ANKS6: variants seen among roughly 807,000 people sequenced by gnomAD.
ANKS6 encodes ankyrin repeat and sterile alpha motif domain containing 6, also known as ankyrin repeat and SAM domain-containing protein 6.
In ANKS6, 47 loss-of-function variants were observed where a neutral mutation model predicts 77.9. That is an observed-to-expected ratio of 0.60 (90% CI 0.48 to 0.77). ANKS6 has a LOEUF of 0.77. ANKS6 is among the 30% of genes least tolerant of loss of function. ANKS6 has a pLI of 0.00. For synonymous variants in ANKS6, 488 were observed against 501.7 expected, an observed-to-expected ratio of 0.97 and a Z score of 0.37; for missense variants, 1,150 against 1,159.1, an observed-to-expected ratio of 0.99 and a Z score of 0.11.
Position 98,733,035 on chromosome 9 carries a change from C to T in ANKS6, c.*3484G>A. On this transcript the variant is annotated 3_prime_UTR_variant, in exon 15 of 15. Transcript: ENST00000353234. ...GCCATCATCGATGACTTTCCCTGAGCTGTATACCCAGCAGGCTTCATCACC... is the reference window on the plus strand; with the variant it reads ...GCCATCATCGATGACTTTCCCTGAGTTGTATACCCAGCAGGCTTCATCACC... 1.2e-6 allele frequency: 1 copy of T among 845,670 alleles called. No homozygotes were observed. Among genetic ancestry groups the T allele is most frequent in the Non-Finnish European group, 1.4e-6 (1 of 696,766 alleles). 52.4% of individuals were successfully genotyped at this position (845,670 alleles called of 1,614,324 possible). A position where few individuals can be genotyped will look rare whatever the true frequency, so the allele number is the denominator to read the frequency against.
chr9:98,732,492 C>T lies in ANKS6; in HGVS notation c.*4027G>A. 6.4e-7 allele frequency: 1 copy of T among 1,550,546 alleles called. No homozygotes were observed. Among genetic ancestry groups the T allele is most frequent in the Non-Finnish European group, 8.7e-7 (1 of 1,146,982 alleles). On this transcript the variant is annotated 3_prime_UTR_variant, in exon 15 of 15. Transcript: ENST00000353234. ...GTGGGCTCCGATGCCAGCAGAGCCA[C>T]CTGAGCGGCTGCTACCTCTTGCCGG...
chr9:98,785,934 G>A (rs1239843401), intron 2 of ANKS6, among the ~76,000 whole-genome samples: 2 of 152,156 alleles, frequency 1.3e-5, no homozygotes, highest in Non-Finnish European at 1.5e-5. Flanking sequence ...ATGTTAAGGC[G>A]CCATTCAAAG....
intron 11 of ANKS6, among the ~76,000 whole-genome samples, chr9:98,766,462 G>A (rs1833295343): frequency 6.6e-6 from 1 of 152,118 alleles, no homozygotes; most frequent in Non-Finnish European, 1.5e-5. Context: ...GAGTTTCCTA[G>A]TAGCAAAGGC....
chr9:98,795,959 A>G (rs1400614057), intron 1 of ANKS6, 174 bp downstream of exon 1: 1 of 634,338 alleles, frequency 1.6e-6, no homozygotes, highest in East Asian at 3.5e-5. Context: ...GTTAATTCAA[A>G]AGTGTTTCCA....
In ANKS6 at chr9:98,734,601, C is replaced by A. The variant is rs544920366; in HGVS notation, c.*1918G>T. On this transcript the variant is annotated 3_prime_UTR_variant, in exon 15 of 15. Coordinates refer to ENST00000353234, the MANE Select transcript of ANKS6 (RefSeq NM_173551.5). ...AGTTAGTGGAAAAGGCACAGGCTTG[C>A]AAGCCCACCAGGTCCGGTTCTGACC... The A allele has an allele frequency of 1.0e-6, 1 of 984,068 alleles. No homozygotes were observed. The highest frequency in any genetic ancestry group is 1.1e-4 in the East Asian group (1 of 8,794). 61.0% of individuals were successfully genotyped at this position (984,068 alleles called of 1,614,324 possible).
intron 14 of ANKS6, among the ~76,000 whole-genome samples, chr9:98,745,333 G>A (rs1430733775): frequency 2.0e-5 from 3 of 152,184 alleles, no homozygotes; most frequent in South Asian, 2.1e-4. Flanking sequence ...CAGTGCTCCC[G>A]AGGGCCACAC....
rs776841530 is a variant in ANKS6, at chr9:98,796,499, G to A, written c.-8C>T. The A allele has an allele frequency of 4.9e-5, 48 of 986,912 alleles. No individual in the cohort carries two copies. The Middle Eastern group carries it at 2.6e-3, about 53-fold the overall frequency. The allele number at this position is 986,912 out of a possible 1,614,324, so 61.1% of individuals were successfully genotyped here. On this transcript the variant is annotated 5_prime_UTR_variant, in exon 1 of 15. Transcript: ENST00000353234. ...CAGCCCGCCCTCGCCCATCGCCGCC[G>A]CCACGCGCGGCCCGCTCCCGTCCGC... is the stretch of plus-strand genomic sequence containing the variant.
intron 10 of ANKS6, among the ~76,000 whole-genome samples, chr9:98,770,334 G>A (rs1197203136): frequency 6.6e-6 from 1 of 152,110 alleles, no homozygotes; most frequent in Non-Finnish European, 1.5e-5. Flanking sequence ...ACCCAGTCTC[G>A]GGTATGTCTT....
intron 10 of ANKS6, among the ~76,000 whole-genome samples, chr9:98,770,582 G>A (rs947723210): frequency 1.3e-5 from 2 of 152,078 alleles, no homozygotes; most frequent in Non-Finnish European, 2.9e-5. Flanking sequence ...AAGCTCTCCA[G>A]GGTCTAACCT....
intron 1 of ANKS6, 36 bp from the exon 2 acceptor site, chr9:98,790,642 C>T: frequency 6.3e-7 from 1 of 1,577,260 alleles, no homozygotes; most frequent in Non-Finnish European, 8.7e-7. Context: ...ACACTGAACA[C>T]ACAGCACTCG....
rs1470125308 is a variant in ANKS6, at chr9:98,784,019, T to C, written c.1046A>G (p.His349Arg). The stretch of plus-strand genomic sequence containing the variant: ...GCTGTCCTGCTTGTCAACATCCGCG[T>C]GCCTCTCCACCAGCAGCTGCACCAG... ...LALVQLLVER[H>R]ADVDKQDSVH... The change falls in exon 4 of 15, where the codon CAC (histidine) becomes CGC (arginine). Residue 349 changes from histidine to arginine, a missense_variant. By Grantham distance (29) the His-to-Arg change is conservative. Coordinates refer to ENST00000353234, the MANE Select transcript of ANKS6 (RefSeq NM_173551.5). 1 of 1,611,196 alleles carries C rather than the reference T, an allele frequency of 6.2e-7. No individual in the cohort carries two copies. Among genetic ancestry groups the C allele is most frequent in the Non-Finnish European group, 8.5e-7 (1 of 1,179,344 alleles).
chr9:98,748,917 T>C (rs1564180906), intron 13 of ANKS6, among the ~76,000 whole-genome samples: 3 of 152,144 alleles, frequency 2.0e-5, no homozygotes, highest in Admixed American at 6.5e-5. Context: ...CTGATAACTA[T>C]AAGTGCATTA....
intron 8 of ANKS6, among the ~76,000 whole-genome samples, chr9:98,776,363 C>A (rs1039301998): frequency 1.3e-5 from 2 of 151,612 alleles, no homozygotes; most frequent in African/African-American, 4.9e-5. Context: ...TTCCCAGCTT[C>A]CCCACTGTGA....
At chr9:98,778,097 C>T in intron 7 of ANKS6, 129 bp downstream of exon 7, 1 of 1,099,476 alleles carries the variant, frequency 9.1e-7, no homozygotes, top group Non-Finnish European at 1.3e-6. Context: ...CCAGACCAGC[C>T]TCTATGCTCC....
At chr9:98,763,597 C>G (rs1833122781) in intron 11 of ANKS6, among the ~76,000 whole-genome samples, 2 of 151,564 alleles carry the variant, frequency 1.3e-5, no homozygotes, top group African/African-American at 4.8e-5. Context: ...AGATAAAACC[C>G]AAAGGAAGTA....
intron 11 of ANKS6, among the ~76,000 whole-genome samples, chr9:98,759,919 A>T (rs115176261): frequency 0.021 from 3,147 of 152,284 alleles, 103 homozygotes; most frequent in African/African-American, 0.071. Flanking sequence ...GCTCTATACC[A>T]CTGTAGGATG....
chr9:98,733,059 C>A lies in ANKS6; in HGVS notation c.*3460G>T. 1.2e-6 allele frequency: 1 copy of A among 812,462 alleles called. No homozygotes were observed. Among genetic ancestry groups the A allele is most frequent in the Non-Finnish European group, 1.5e-6 (1 of 669,562 alleles). 50.3% of individuals were successfully genotyped at this position (812,462 alleles called of 1,614,324 possible). A position where few individuals can be genotyped will look rare whatever the true frequency, so the allele number is the denominator to read the frequency against. On this transcript the variant is annotated 3_prime_UTR_variant, in exon 15 of 15. Transcript: ENST00000353234. ...GCTGTATACCCAGCAGGCTTCATCACCACACCATCTCACCGACATGATTGT... is the reference window on the plus strand; with the variant it reads ...GCTGTATACCCAGCAGGCTTCATCAACACACCATCTCACCGACATGATTGT...
At chr9:98,784,688 T>C in intron 3 of ANKS6, 144 bp downstream of exon 3, 1 of 757,064 alleles carries the variant, frequency 1.3e-6, no homozygotes, top group Non-Finnish European at 2.2e-6. Context: ...GCCTCCAGGA[T>C]CTGAACTTCC....
At position 98,734,618 on chromosome 9, in the gene ANKS6, G is replaced by C; in HGVS notation, c.*1901C>G. ...CAGGCTTGCAAGCCCACCAGGTCCGGTTCTGACCCCAGATCTGCTCCTTCT... is the reference window on the plus strand; with the variant it reads ...CAGGCTTGCAAGCCCACCAGGTCCGCTTCTGACCCCAGATCTGCTCCTTCT... On this transcript the variant is annotated 3_prime_UTR_variant, in exon 15 of 15. Transcript: ENST00000353234. The C allele has an allele frequency of 1.0e-6, 1 of 976,098 alleles. No individual in the cohort carries two copies. The highest frequency in any genetic ancestry group is 1.2e-6 in the Non-Finnish European group (1 of 821,508). 60.5% of individuals were successfully genotyped at this position (976,098 alleles called of 1,614,324 possible).
Sources: allele counts gnomAD v4.1 joint callset (sites outside exome capture counted in the v4.1 genomes callset), GRCh38; gene constraint gnomAD v4.1.1; transcripts MANE v1.5; gene names NCBI Gene and HGNC (gene_info 2026-07-23, HGNC 2026-07-21).